Variants in PPP1R12B observed in about 807,000 individuals in gnomAD.
PPP1R12B encodes the protein myosin phosphatase target subunit 2.
Under a neutral mutation model 126.1 loss-of-function variants are expected in PPP1R12B, and 76 were observed. That is an observed-to-expected ratio of 0.60 (90% CI 0.50 to 0.73). PPP1R12B has a LOEUF of 0.73. Ranked by LOEUF, PPP1R12B falls within the 30% of genes least tolerant of loss-of-function variation. The pLI is 0.00. For missense variants in PPP1R12B, 1,052 were observed against 1,205.1 expected, an observed-to-expected ratio of 0.87 and a Z score of 1.88; for synonymous variants, 356 against 434.7, an observed-to-expected ratio of 0.82 and a Z score of 2.25.
At chr1:202,545,253 T>A (rs1685532146) in intron 18 of PPP1R12B, among the ~76,000 whole-genome samples, 1 of 152,206 alleles carries the variant, frequency 6.6e-6, no homozygotes, top group South Asian at 2.1e-4. Flanking sequence ...GCAGTAATTG[T>A]TCAGCCCAAG....
chr1:202,356,786 A>G (rs1244028654), intron 1 of PPP1R12B, among the ~76,000 whole-genome samples: 2 of 151,784 alleles, frequency 1.3e-5, no homozygotes, highest in Non-Finnish European at 2.9e-5. Flanking sequence ...CCTGCCAGCA[A>G]TTTGACAACT....
chr1:202,574,971 G>A (rs756385252), intron 23 of PPP1R12B: 1 of 1,557,104 alleles, frequency 6.4e-7, no homozygotes, highest in Non-Finnish European at 8.8e-7. Context: ...TGTCTTTTCT[G>A]TCTGTCCTTT....
intron 18 of PPP1R12B, among the ~76,000 whole-genome samples, chr1:202,530,001 A>G (rs1484969771): frequency 6.6e-6 from 1 of 152,204 alleles, no homozygotes; most frequent in Non-Finnish European, 1.5e-5. Context: ...AGTCTTAACA[A>G]AAATTTCAGA....
At chr1:202,469,921 T>C (rs1197830705) in intron 13 of PPP1R12B, among the ~76,000 whole-genome samples, 1 of 152,212 alleles carries the variant, frequency 6.6e-6, no homozygotes, top group Non-Finnish European at 1.5e-5. Context: ...ACGTAAGTGC[T>C]TTTTTAGGGG....
At chr1:202,494,872 C>A (rs1243516037) in intron 15 of PPP1R12B, among the ~76,000 whole-genome samples, 3 of 152,090 alleles carry the variant, frequency 2.0e-5, no homozygotes, top group African/African-American at 4.8e-5. Context: ...TCAGGTAATC[C>A]CTACATTCTG....
intron 18 of PPP1R12B, among the ~76,000 whole-genome samples, chr1:202,528,380 A>G (rs1417862548): frequency 1.3e-5 from 2 of 152,196 alleles, no homozygotes; most frequent in Admixed American, 1.3e-4. Flanking sequence ...ATGCCAGTCA[A>G]TTCAGTCATC....
intron 2 of PPP1R12B, among the ~76,000 whole-genome samples, chr1:202,417,944 T>C (rs1311388502): frequency 1.3e-5 from 2 of 152,208 alleles, no homozygotes; most frequent in East Asian, 1.9e-4. Flanking sequence ...GTGGGAGAAG[T>C]TAAACAAAGG....
chr1:202,415,541 C>T (rs544764643), intron 1 of PPP1R12B, among the ~76,000 whole-genome samples: 2 of 152,248 alleles, frequency 1.3e-5, no homozygotes, highest in Admixed American at 6.5e-5. Flanking sequence ...TGTAACCATC[C>T]AAGCCTTGGT....
intron 18 of PPP1R12B, among the ~76,000 whole-genome samples, chr1:202,538,380 C>A (rs2148956448): frequency 6.6e-6 from 1 of 152,232 alleles, no homozygotes; most frequent in South Asian, 2.1e-4. Context: ...TTTCCAGGAC[C>A]CCTAATAAAG....
At chr1:202,384,902 C>T (rs1488898217) in intron 1 of PPP1R12B, among the ~76,000 whole-genome samples, 2 of 152,216 alleles carry the variant, frequency 1.3e-5, no homozygotes. Context: ...TACACTTCCT[C>T]CAACTGTGTA....
intron 18 of PPP1R12B, among the ~76,000 whole-genome samples, chr1:202,533,865 A>T (rs571402039): frequency 6.6e-6 from 1 of 152,264 alleles, no homozygotes; most frequent in African/African-American, 2.4e-5. Context: ...CTCTTTTGTG[A>T]TTAATAAATG....
chr1:202,417,315 G>A (rs1668210217), intron 2 of PPP1R12B: 1 of 985,146 alleles, frequency 1.0e-6, no homozygotes, highest in African/African-American at 1.7e-5. Flanking sequence ...TAGTACAAAT[G>A]AAGATAAAAA....
chr1:202,479,729 A>G (rs1558280533), intron 13 of PPP1R12B, among the ~76,000 whole-genome samples: 2 of 152,210 alleles, frequency 1.3e-5, no homozygotes, highest in Non-Finnish European at 2.9e-5. Flanking sequence ...GGTTCTTAAA[A>G]TGTGGTCCCC....
At chr1:202,563,810 G>A (rs986553610) in intron 20 of PPP1R12B, among the ~76,000 whole-genome samples, 1 of 152,154 alleles carries the variant, frequency 6.6e-6, no homozygotes, top group African/African-American at 2.4e-5. Context: ...GTTCATGCCT[G>A]TAATCCCAGC....
intron 4 of PPP1R12B, among the ~76,000 whole-genome samples, chr1:202,426,766 A>T (rs1328174445): frequency 2.6e-5 from 4 of 152,208 alleles, no homozygotes; most frequent in Non-Finnish European, 5.9e-5. Flanking sequence ...AATCTTAGGT[A>T]CATACGTTTC....
intron 18 of PPP1R12B, among the ~76,000 whole-genome samples, chr1:202,534,321 C>T (rs1219815526): frequency 6.6e-6 from 1 of 152,104 alleles, no homozygotes; most frequent in Non-Finnish European, 1.5e-5. Context: ...AGCCATTTCT[C>T]CAGGGAGCCC....
intron 1 of PPP1R12B, among the ~76,000 whole-genome samples, chr1:202,355,210 C>T (rs1055377610): frequency 6.6e-6 from 1 of 152,038 alleles, no homozygotes; most frequent in Non-Finnish European, 1.5e-5. Flanking sequence ...TGGCCGTGTT[C>T]CACTATATTT....
intron 12 of PPP1R12B, chr1:202,443,209 G>A: frequency 1.4e-6 from 1 of 736,236 alleles, no homozygotes; most frequent in Non-Finnish European, 1.7e-6. Flanking sequence ...AGCAAACCAG[G>A]CACCTTTGCC....
intron 9 of PPP1R12B, among the ~76,000 whole-genome samples, chr1:202,435,560 C>T (rs530658675): frequency 6.0e-4 from 91 of 152,238 alleles, no homozygotes; most frequent in African/African-American, 2.0e-3. Context: ...ACCAGAGGCC[C>T]CTCCTTCTGT....
Sources: allele counts gnomAD v4.1 joint callset (sites outside exome capture counted in the v4.1 genomes callset), GRCh38; gene constraint gnomAD v4.1.1; transcripts MANE v1.5; gene names NCBI Gene and HGNC (gene_info 2026-07-23, HGNC 2026-07-21).